Variants in L3MBTL4 observed in about 807,000 individuals in gnomAD.
L3MBTL4 encodes the protein L3MBTL histone methyl-lysine binding protein 4.
In L3MBTL4, 70 loss-of-function variants were observed where a neutral mutation model predicts 84.5. The observed-to-expected ratio is 0.83, with a 90% CI of 0.68 to 1.01. L3MBTL4 has a LOEUF of 1.01. Ranked by LOEUF, L3MBTL4 falls within the 50% of genes least tolerant of loss-of-function variation. The pLI is 0.00. For synonymous variants in L3MBTL4, 274 were observed against 259.8 expected (o/e 1.05, Z -0.52); for missense variants, 715 against 754.8 (o/e 0.95, Z 0.62).
chr18:6,086,153 T>C (rs983804120), intron 15 of L3MBTL4, among the ~76,000 whole-genome samples: 2 of 152,234 alleles, frequency 1.3e-5, no homozygotes, highest in African/African-American at 4.8e-5. Flanking sequence ...CCCACTTTAC[T>C]CTTTACAATG....
intron 16 of L3MBTL4, among the ~76,000 whole-genome samples, chr18:6,011,316 TA>T (rs907594822): frequency 2.7e-5 from 4 of 150,218 alleles, no homozygotes; most frequent in African/African-American, 7.3e-5. Flanking sequence ...AGATAAACAA[TA>T]AAAAAAAAGG....
intron 17 of L3MBTL4, among the ~76,000 whole-genome samples, chr18:5,963,470 G>A (rs528482114): frequency 3.3e-5 from 5 of 152,226 alleles, no homozygotes; most frequent in African/African-American, 7.2e-5. Context: ...CACCTGGCCC[G>A]CAAGCAGCAC....
chr18:6,202,942 GA>G (rs2145675517), intron 12 of L3MBTL4, among the ~76,000 whole-genome samples: 1 of 152,310 alleles, frequency 6.6e-6, no homozygotes, highest in Admixed American at 6.5e-5. Context: ...AAAACCAAGG[GA>G]ATGGATGACC....
chr18:6,339,140 T>A (rs1202255308), intron 1 of L3MBTL4, among the ~76,000 whole-genome samples: 1 of 152,144 alleles, frequency 6.6e-6, no homozygotes, highest in African/African-American at 2.4e-5. Flanking sequence ...TAGGGCCACA[T>A]GATGCGGTTC....
intron 16 of L3MBTL4, among the ~76,000 whole-genome samples, chr18:5,996,259 G>A (rs534661706): frequency 2.0e-5 from 3 of 152,098 alleles, no homozygotes; most frequent in East Asian, 1.9e-4. Context: ...GATTTTTTCC[G>A]AAATAGATGA....
intron 12 of L3MBTL4, among the ~76,000 whole-genome samples, chr18:6,197,161 C>T (rs2045437161): frequency 1.3e-5 from 2 of 152,308 alleles, no homozygotes; most frequent in South Asian, 4.1e-4. Flanking sequence ...AGGTTTATTA[C>T]ATAAGTAAAC....
intron 1 of L3MBTL4, among the ~76,000 whole-genome samples, chr18:6,407,156 A>G (rs2055770581): frequency 6.6e-6 from 1 of 152,258 alleles, no homozygotes; most frequent in African/African-American, 2.4e-5. Flanking sequence ...TAGTAAAAGA[A>G]TAAAGTGGCC....
rs187456929 is a variant in L3MBTL4 at position 6,238,269 on chromosome 18, C to T, written c.708-229G>A. Among the ~76,000 whole-genome samples, 63 of 152,344 alleles carry T rather than the reference C, an allele frequency of 4.1e-4. No individual in the cohort carries two copies. In the East Asian group the frequency reaches 0.012, roughly 28 times the overall value. ...ATAAAATTGGCTGGGCGCGGTGGCT[C>T]ACGCCTGTAATCCCAGCATTTCGGG... On this transcript the variant is annotated intron_variant, in intron 9 of 18. Transcript: ENST00000317931.
At chr18:6,298,210 G>A (rs539754923) in intron 4 of L3MBTL4, among the ~76,000 whole-genome samples, 3 of 152,038 alleles carry the variant, frequency 2.0e-5, no homozygotes, top group Non-Finnish European at 4.4e-5. Context: ...TTTTTAAATT[G>A]TCGTTAATTT....
chr18:6,211,856 C>T (rs542475859), intron 12 of L3MBTL4, among the ~76,000 whole-genome samples: 4 of 152,208 alleles, frequency 2.6e-5, no homozygotes, highest in African/African-American at 9.6e-5. Flanking sequence ...ACTATGTTGG[C>T]CAGGCTGGTC....
At chr18:5,968,267 G>C (rs1019708792) in intron 17 of L3MBTL4, among the ~76,000 whole-genome samples, 5 of 152,214 alleles carry the variant, frequency 3.3e-5, no homozygotes, top group East Asian at 3.8e-4. Flanking sequence ...TTTCTCTAAG[G>C]CCTGACTAGT....
At chr18:6,144,610 C>T (rs1447969823) in intron 13 of L3MBTL4, among the ~76,000 whole-genome samples, 1 of 152,182 alleles carries the variant, frequency 6.6e-6, no homozygotes, top group Non-Finnish European at 1.5e-5. Context: ...TCTTTCCTTG[C>T]CAACCAAACT....
At position 6,239,703 on chromosome 18, in the gene L3MBTL4, A is replaced by G; in HGVS notation, c.707+15T>C. ...ATATGAATACACAAAAATAAAACACACATTCATATCTCACCAGTAATCGTA... is the reference window on the plus strand; with the variant it reads ...ATATGAATACACAAAAATAAAACACGCATTCATATCTCACCAGTAATCGTA... On this transcript the variant is annotated intron_variant, in intron 9 of 18. Transcript: ENST00000317931. 6.2e-7 allele frequency: 1 copy of G among 1,609,802 alleles called. No homozygotes were observed. Among genetic ancestry groups the G allele is most frequent in the Non-Finnish European group, 8.5e-7 (1 of 1,178,284 alleles).
intron 9 of L3MBTL4, among the ~76,000 whole-genome samples, 191 bp from the exon 10 acceptor site, chr18:6,238,231 G>A (rs889710097): frequency 7.9e-5 from 12 of 152,140 alleles, no homozygotes; most frequent in African/African-American, 2.9e-4. Context: ...TAAGCTTCTT[G>A]AAATTTAAAA....
chr18:6,401,995 C>A (rs2055533257), intron 1 of L3MBTL4, among the ~76,000 whole-genome samples: 2 of 152,246 alleles, frequency 1.3e-5, no homozygotes, highest in Non-Finnish European at 2.9e-5. Context: ...TAGTATTATA[C>A]TTCTCTAAGC....
chr18:6,409,670 C>A (rs980268473), intron 1 of L3MBTL4, among the ~76,000 whole-genome samples: 5 of 152,164 alleles, frequency 3.3e-5, no homozygotes, highest in African/African-American at 1.2e-4. Context: ...AATATCAAAA[C>A]CCACCATCAC....
intron 16 of L3MBTL4, among the ~76,000 whole-genome samples, chr18:6,076,512 A>C (rs552788123): frequency 6.6e-6 from 1 of 152,298 alleles, no homozygotes; most frequent in Non-Finnish European, 1.5e-5. Context: ...AGTGATGATT[A>C]AATGGGTATG....
At chr18:6,088,124 GAC>G (rs1482262532) in intron 15 of L3MBTL4, among the ~76,000 whole-genome samples, 1 of 152,208 alleles carries the variant, frequency 6.6e-6, no homozygotes, top group African/African-American at 2.4e-5. Flanking sequence ...GGTACATGCA[GAC>G]ACACAAATAA....
intron 16 of L3MBTL4, among the ~76,000 whole-genome samples, chr18:5,987,280 G>A (rs1057349579): frequency 3.9e-5 from 6 of 152,246 alleles, no homozygotes; most frequent in Admixed American, 3.3e-4. Flanking sequence ...AAGAGAGAAT[G>A]GAGGGTCTTC....
Sources: allele counts gnomAD v4.1 joint callset (sites outside exome capture counted in the v4.1 genomes callset), GRCh38; gene constraint gnomAD v4.1.1; transcripts MANE v1.5; gene names NCBI Gene and HGNC (gene_info 2026-07-23, HGNC 2026-07-21).